CEP78: variants seen among roughly 807,000 people sequenced by gnomAD.
CEP78 encodes centrosomal protein of 78 kDa.
A neutral mutation model predicts 81.2 loss-of-function variants in CEP78; 76 were observed. That is an observed-to-expected ratio of 0.94 (90% CI 0.78 to 1.13). The LOEUF is 1.13. Ranked by LOEUF, CEP78 falls within the 50% of genes most tolerant of loss-of-function variation. The pLI is 0.00. For missense variants in CEP78, 918 were observed against 846.8 expected, an observed-to-expected ratio of 1.08 and a Z score of -1.04; for synonymous variants, 293 against 301.4, an observed-to-expected ratio of 0.97 and a Z score of 0.29.
Position 78,254,817 on chromosome 9 carries a change from C to A in CEP78, c.1252-19C>A. On this transcript the variant is annotated intron_variant, in intron 10 of 16. Coordinates refer to ENST00000643273, the MANE Select transcript of CEP78 (RefSeq NM_001330691.3). ...TATTCGGTTTATATTATTATACAAT[C>A]TTGTCCTCTTTTTTTAAGCAACCAG... The A allele has an allele frequency of 1.9e-6, 3 of 1,591,926 alleles. No homozygotes were observed. The highest frequency in any genetic ancestry group is 1.3e-5 in the African/African-American group (1 of 74,184).
chr9:78,236,607 T>C lies in CEP78; in HGVS notation c.253+4T>C. 6.5e-7 allele frequency: 1 copy of C among 1,529,206 alleles called. No homozygotes were observed. Among genetic ancestry groups the C allele is most frequent in the Non-Finnish European group, 8.8e-7 (1 of 1,140,534 alleles). 94.7% of individuals were successfully genotyped at this position (1,529,206 alleles called of 1,614,324 possible). A position where few individuals can be genotyped will look rare whatever the true frequency, so the allele number is the denominator to read the frequency against. On this transcript the variant is annotated splice_donor_region_variant and intron_variant, in intron 1 of 16. Transcript: ENST00000643273. ...CAGCCCTGGCTGGGGGACACAGGTT[T>C]GTAGTTCCCGCCTCCAGGGCCCCTC... is the stretch of plus-strand genomic sequence containing the variant.
At position 78,237,357 on chromosome 9, in the gene CEP78, G is replaced by T. The variant is rs138378753; in HGVS notation, c.253+754G>T. On this transcript the variant is annotated intron_variant, in intron 1 of 16. Coordinates refer to ENST00000643273, the MANE Select transcript of CEP78 (RefSeq NM_001330691.3). ...TACAAGCCATTTGTAAATGTATAGT[G>T]GTATAATTAGGGATCCAGACTCTCT... Among the ~76,000 whole-genome samples, 593 of 152,140 alleles carry T rather than the reference G, an allele frequency of 3.9e-3. 3 individuals are homozygous for T. The highest frequency in any genetic ancestry group is 0.013 in the African/African-American group (551 of 41,492).
At position 78,254,961 on chromosome 9, in the gene CEP78, A is replaced by G. The variant is rs1029168074; in HGVS notation, c.1377A>G (p.Leu459=). The stretch of plus-strand genomic sequence containing the variant: ...AAACTAGTATAGAACAAGAAGCATT[A>G]CAGGTACAAAGCTATCACTTTAAAG... ...PEKTSIEQEA[L]QEKLEECLKQ... The change falls in exon 11 of 17, where the codon TTA becomes TTG. Residue 459 remains leucine (L), a synonymous_variant. Coordinates refer to ENST00000643273, the MANE Select transcript of CEP78 (RefSeq NM_001330691.3). 1 of 1,608,172 alleles carries G rather than the reference A, an allele frequency of 6.2e-7. No individual in the cohort carries two copies. The highest frequency in any genetic ancestry group is 1.7e-4 in the Middle Eastern group (1 of 6,016).
chr9:78,255,117 G>A (rs1226535090), intron 11 of CEP78, among the ~76,000 whole-genome samples, 153 bp downstream of exon 11: 1 of 152,102 alleles, frequency 6.6e-6, no homozygotes, highest in Non-Finnish European at 1.5e-5. Flanking sequence ...CTTTATCTTA[G>A]AACAAGGTAA....
At chr9:78,252,188 G>A in intron 9 of CEP78, 145 bp downstream of exon 9, 3 of 665,792 alleles carry the variant, frequency 4.5e-6, no homozygotes, top group Non-Finnish European at 4.7e-6. Context: ...AATCCTTTAA[G>A]GAAGAAAAAC....
intron 16 of CEP78, 90 bp downstream of exon 16, chr9:78,266,793 G>C (rs766200598): frequency 7.2e-6 from 11 of 1,521,602 alleles, no homozygotes; most frequent in Admixed American, 2.4e-5. Context: ...GAAAAGCAAA[G>C]AAACTAGGGA....
In CEP78 at chr9:78,266,714, CA is replaced by C; in HGVS notation, c.2107+17del. On this transcript the variant is annotated intron_variant, in intron 16 of 16. Transcript: ENST00000643273. ...AAAAGACCAAAACAGGTGAATATACCAAAAAACACTCTGATAAGCAACACCC... is the reference window on the plus strand; with the variant it reads ...AAAAGACCAAAACAGGTGAATATACCAAAAACACTCTGATAAGCAACACCC... 1.2e-6 allele frequency: 2 copies of C among 1,611,108 alleles called. No homozygotes were observed. The highest frequency in any genetic ancestry group is 1.7e-5 in the Admixed American group (1 of 59,604).
At chr9:78,247,796 G>A (rs1437713303) in intron 6 of CEP78, among the ~76,000 whole-genome samples, 2 of 152,144 alleles carry the variant, frequency 1.3e-5, no homozygotes, top group Non-Finnish European at 2.9e-5. Context: ...TTGAAACAAG[G>A]TGTAGCTAAC....
intron 1 of CEP78, among the ~76,000 whole-genome samples, chr9:78,237,593 A>G (rs985417473): frequency 2.0e-5 from 3 of 152,152 alleles, no homozygotes; most frequent in Non-Finnish European, 4.4e-5. Context: ...GAAAGAGCAG[A>G]GAGAGTTGAG....
intron 16 of CEP78, chr9:78,267,057 TTATG>T: frequency 8.7e-7 from 1 of 1,143,348 alleles, no homozygotes; most frequent in Middle Eastern, 2.4e-4. Flanking sequence ...ATAAATTTTC[TTATG>T]TTTTTATTAT....
chr9:78,246,603 A>C (rs924349824), intron 5 of CEP78, 66 bp from the exon 6 acceptor site: 94 of 1,084,364 alleles, frequency 8.7e-5, no homozygotes, highest in East Asian at 3.1e-4. Flanking sequence ...CCGTCTCAAA[A>C]AAACAAACAA....
At chr9:78,262,497 C>G (rs567772806) in intron 11 of CEP78, among the ~76,000 whole-genome samples, 2 of 152,060 alleles carry the variant, frequency 1.3e-5, no homozygotes, top group Non-Finnish European at 2.9e-5. Flanking sequence ...AGAGCCCTGT[C>G]CCTTTTAATT....
chr9:78,242,498 C>G (rs1462917540), intron 4 of CEP78, among the ~76,000 whole-genome samples: 2 of 152,186 alleles, frequency 1.3e-5, no homozygotes, highest in Non-Finnish European at 2.9e-5. Context: ...CCTCAGTTTT[C>G]TTATCCATAA....
At chr9:78,260,313 C>G (rs1202377275) in intron 11 of CEP78, among the ~76,000 whole-genome samples, 1 of 151,536 alleles carries the variant, frequency 6.6e-6, no homozygotes, top group Non-Finnish European at 1.5e-5. Flanking sequence ...GTTATTTTAT[C>G]TTATAATGTT....
At chr9:78,248,932 A>G in intron 8 of CEP78, 59 bp downstream of exon 8, 4 of 801,286 alleles carry the variant, frequency 5.0e-6, no homozygotes, top group Non-Finnish European at 7.9e-6. Flanking sequence ...TTAAAATTAA[A>G]ATCTCTTCTC....
Position 78,236,449 on chromosome 9 carries a change from C to G in CEP78, c.99C>G (p.Ala33=), listed in dbSNP as rs1331446165. The change falls in exon 1 of 17, where the codon GCC becomes GCG. Residue 33 remains alanine (A), a synonymous_variant. Transcript: ENST00000643273. Reference sequence around the variant, plus strand: ...TGCAGAACTCGGTGCCGCTGCCCGCCGTGCGCGCCTGTCTCCGGGAGGGCG... The same window carrying G: ...TGCAGAACTCGGTGCCGCTGCCCGCGGTGCGCGCCTGTCTCCGGGAGGGCG... ...CALQNSVPLP[A]VRACLREGVL... is the part of the protein sequence containing the mutation. The G allele has an allele frequency of 1.9e-6, 3 of 1,604,424 alleles. No individual in the cohort carries two copies. Among genetic ancestry groups the G allele is most frequent in the Non-Finnish European group, 2.6e-6 (3 of 1,175,810 alleles).
chr9:78,239,897 C>T (rs917351857), intron 1 of CEP78, 126 bp from the exon 2 acceptor site: 58 of 726,854 alleles, frequency 8.0e-5, no homozygotes, highest in Non-Finnish European at 1.2e-4. Context: ...CTTGAGTTTA[C>T]ATGTGTCTGT....
At chr9:78,253,352 AAATTG>A (rs1282631421) in intron 10 of CEP78, 75 bp downstream of exon 10, 1 of 775,512 alleles carries the variant, frequency 1.3e-6, no homozygotes, top group Non-Finnish European at 2.3e-6. Flanking sequence ...TGTGCTCTTT[AAATTG>A]AATAGAGTCG....
chr9:78,243,378 A>G, intron 4 of CEP78, 84 bp from the exon 5 acceptor site: 1 of 1,132,800 alleles, frequency 8.8e-7, no homozygotes, highest in Non-Finnish European at 1.3e-6. Flanking sequence ...TAAAGCTCTG[A>G]TGTAATCAGC....
Sources: allele counts gnomAD v4.1 joint callset (sites outside exome capture counted in the v4.1 genomes callset), GRCh38; gene constraint gnomAD v4.1.1; transcripts MANE v1.5; gene names NCBI Gene and HGNC (gene_info 2026-07-23, HGNC 2026-07-21).